Variants in ANO4 observed in about 807,000 individuals in gnomAD.
ANO4 encodes the protein anoctamin 4, also known as anoctamin-4.
A neutral mutation model predicts 141.9 loss-of-function variants in ANO4; 69 were observed. The ratio of observed to expected loss-of-function variants is 0.49; its 90% CI spans 0.40 to 0.59. ANO4 has a LOEUF of 0.59. Among genes scored for constraint, ANO4 ranks in the 20% least tolerant of loss-of-function variants. ANO4 has a pLI of 0.00. For synonymous variants in ANO4, 350 were observed against 394.3 expected (o/e 0.89, Z 1.33); for missense variants, 894 against 1,162.2 (o/e 0.77, Z 3.36).
chr12:100,997,504 A>G (rs11610788), intron 8 of ANO4, among the ~76,000 whole-genome samples: 42,467 of 151,470 alleles, frequency 0.28, 6,466 homozygotes, highest in Non-Finnish European at 0.35. Flanking sequence ...TTCGAGATGC[A>G]TTAAACAGAC....
In ANO4 at chr12:101,067,519, T is replaced by A. The variant is rs534176610; in HGVS notation, c.1313-11674T>A. Among the ~76,000 whole-genome samples, 3 of 152,304 alleles carry A rather than the reference T, an allele frequency of 2.0e-5. No individual in the cohort carries two copies. The South Asian group carries it at 6.2e-4, about 32-fold the overall frequency. On this transcript the variant is annotated intron_variant, in intron 14 of 27. Coordinates refer to ENST00000392977, the MANE Select transcript of ANO4 (RefSeq NM_001286615.2). ...CAACATCATGAGACCTTGTCTCTAC[T>A]AAAAATATAAGAAATTAGCTGAGCA...
At chr12:100,816,902 G>T (rs2135722200) in intron 1 of ANO4, among the ~76,000 whole-genome samples, 1 of 151,950 alleles carries the variant, frequency 6.6e-6, no homozygotes, top group Non-Finnish European at 1.5e-5. Context: ...TATGTCCAGA[G>T]TTCTTAGCCC....
rs1419132601 is a variant in ANO4 at position 100,945,641 on chromosome 12, C to A, written c.456+3106C>A. On this transcript the variant is annotated intron_variant, in intron 5 of 27. Transcript: ENST00000392977. ...TCATTGTCCTCAATAAGACATTTAT[C>A]TTTTCTTTTGTATAACTAGTAAGAG... Among the ~76,000 whole-genome samples the A allele has an allele frequency of 2.0e-5, 3 of 152,184 alleles. No individual in the cohort carries two copies. In the East Asian group the frequency reaches 5.8e-4, roughly 29 times the overall value.
chr12:100,862,859 T>C lies in ANO4; in HGVS notation c.-140-38787T>C, dbSNP rs540536626. ...TCCATCATTGACTGAAACGTCATTATGCAGTGCATGACTGTATACGGTAAG... is the reference window on the plus strand; with the variant it reads ...TCCATCATTGACTGAAACGTCATTACGCAGTGCATGACTGTATACGGTAAG... On this transcript the variant is annotated intron_variant, in intron 1 of 27. Transcript: ENST00000392977. 4.4e-4 allele frequency among the ~76,000 whole-genome samples: 67 copies of C among 152,330 alleles called. 1 individual carries two copies. The highest frequency in any genetic ancestry group is 5.2e-4 in the Admixed American group (8 of 15,294).
intron 14 of ANO4, among the ~76,000 whole-genome samples, chr12:101,077,638 A>G (rs763995376): frequency 6.6e-6 from 1 of 152,194 alleles, no homozygotes; most frequent in Non-Finnish European, 1.5e-5. Context: ...TATACCATAT[A>G]TTATTAAATG....
At chr12:101,099,934 G>A (rs73379492) in intron 22 of ANO4, among the ~76,000 whole-genome samples, 8,059 of 152,192 alleles carry the variant, frequency 0.053, 671 homozygotes, top group African/African-American at 0.18. Flanking sequence ...CTCTTAGCAC[G>A]TATCTAAGAC....
chr12:100,821,791 A>G (rs757374478), intron 1 of ANO4, among the ~76,000 whole-genome samples: 4 of 152,016 alleles, frequency 2.6e-5, no homozygotes, highest in Non-Finnish European at 4.4e-5. Context: ...ACAGTTATAA[A>G]CAGCAAGTTA....
intron 9 of ANO4, among the ~76,000 whole-genome samples, chr12:101,023,688 A>T (rs950934212): frequency 6.6e-6 from 1 of 152,168 alleles, no homozygotes; most frequent in African/African-American, 2.4e-5. Flanking sequence ...AGAAAATAAT[A>T]AAAGAAAATT....
rs557127864 is a variant in ANO4 at position 100,737,683 on chromosome 12, C to G, written c.107-2171C>G. On this transcript the variant is annotated intron_variant, in intron 2 of 29. Transcript: ENST00000644049. The stretch of plus-strand genomic sequence containing the variant: ...TGCTCACAGTCTGTCCAGTGCAAAG[C>G]ACTTTTGCAATATTTATAGTAAGAA... Among the ~76,000 whole-genome samples the G allele has an allele frequency of 3.3e-5, 5 of 152,324 alleles. No homozygotes were observed. The South Asian group carries it at 1.0e-3, about 32-fold the overall frequency.
At chr12:100,810,014 A>C (rs1211777904) in intron 1 of ANO4, among the ~76,000 whole-genome samples, 1 of 152,160 alleles carries the variant, frequency 6.6e-6, no homozygotes, top group African/African-American at 2.4e-5. Context: ...TGTGCCAGAC[A>C]GATATGCTCC....
At chr12:100,822,991 A>T (rs564500859) in intron 1 of ANO4, among the ~76,000 whole-genome samples, 1 of 152,064 alleles carries the variant, frequency 6.6e-6, no homozygotes, top group African/African-American at 2.4e-5. Flanking sequence ...CTTTAAAACA[A>T]CATATACACT....
chr12:100,759,009 A>G lies in ANO4; in HGVS notation c.358+18904A>G, dbSNP rs187807769. Among the ~76,000 whole-genome samples, 5 of 152,294 alleles carry G rather than the reference A, an allele frequency of 3.3e-5. No homozygotes were observed. In the East Asian group the frequency reaches 7.7e-4, roughly 24 times the overall value. On this transcript the variant is annotated intron_variant, in intron 3 of 29. Transcript: ENST00000644049. The stretch of plus-strand genomic sequence containing the variant: ...GATCCTTAATCTTAACTATATGTGC[A>G]AAGACCCTTGTTCAAAATAAAGTCA...
chr12:100,989,607 CTGGATGGATGGATAGA>C (rs1214474294), intron 8 of ANO4, among the ~76,000 whole-genome samples: 1,270 of 116,564 alleles, frequency 0.011, 14 homozygotes, highest in East Asian at 0.017. Context: ...GGATAGGTCA[CTGGATGGATGGATAGA>C]TGGATGGATG....
At chr12:100,740,161 A>G (rs1194581760) in intron 3 of ANO4, 1 of 688,706 alleles carries the variant, frequency 1.5e-6, no homozygotes, top group East Asian at 2.7e-5. Context: ...AGATTCCTTC[A>G]TGCATTTGCC....
At chr12:100,833,024 A>G (rs941351890) in intron 1 of ANO4, among the ~76,000 whole-genome samples, 12 of 152,168 alleles carry the variant, frequency 7.9e-5, no homozygotes, top group Non-Finnish European at 2.9e-5. Context: ...CTGACCAAGT[A>G]AAATAAGCAT....
At chr12:100,720,708 A>T (rs1158591514) in intron 1 of ANO4, among the ~76,000 whole-genome samples, 1 of 152,186 alleles carries the variant, frequency 6.6e-6, no homozygotes, top group African/African-American at 2.4e-5. Flanking sequence ...CAATGACCCC[A>T]TGTGCAGAGT....
At chr12:101,044,957 T>TA (rs1208497513) in intron 13 of ANO4, among the ~76,000 whole-genome samples, 1 of 151,972 alleles carries the variant, frequency 6.6e-6, no homozygotes. Context: ...ACTCAGGTTT[T>TA]AAAATTCTGC....
At chr12:100,927,878 A>G (rs1254850959) in intron 3 of ANO4, among the ~76,000 whole-genome samples, 3 of 152,124 alleles carry the variant, frequency 2.0e-5, no homozygotes, top group Admixed American at 6.5e-5. Flanking sequence ...GGTTCTGATG[A>G]AGGAAAGAGG....
intron 3 of ANO4, among the ~76,000 whole-genome samples, chr12:100,788,673 A>C (rs1325108736): frequency 6.6e-6 from 1 of 152,180 alleles, no homozygotes; most frequent in Non-Finnish European, 1.5e-5. Flanking sequence ...TCACGCTGTA[A>C]ATATTCAAGA....
Sources: gnomAD v4.1 joint callset for allele counts (sites outside exome capture counted in the v4.1 genomes callset) on GRCh38, gnomAD v4.1.1 for gene constraint, MANE v1.5 for transcripts, NCBI Gene and HGNC (gene_info 2026-07-23, HGNC 2026-07-21) for gene names.